Variants in TRAPPC9 observed in about 807,000 individuals in gnomAD.
TRAPPC9 encodes the protein IKK2 binding protein.
Under a neutral mutation model 124.0 loss-of-function variants are expected in TRAPPC9, and 83 were observed. The ratio of observed to expected loss-of-function variants is 0.67; its 90% CI spans 0.56 to 0.80. The LOEUF (loss-of-function observed/expected upper bound fraction) is 0.80. TRAPPC9 is among the 30% of genes least tolerant of loss of function. The pLI, the probability that TRAPPC9 is intolerant of heterozygous loss-of-function variation, is 0.00. For missense variants in TRAPPC9, 1,302 were observed against 1,508.3 expected (o/e 0.86, Z 2.27); for synonymous variants, 638 against 617.5 (o/e 1.03, Z -0.49).
intron 19 of TRAPPC9, among the ~76,000 whole-genome samples, chr8:139,955,185 C>T (rs772373441): frequency 2.0e-5 from 3 of 152,104 alleles, no homozygotes; most frequent in Non-Finnish European, 2.9e-5. Context: ...CCATCGGCAC[C>T]ATCTGACCAC....
chr8:140,007,133 C>G (rs1418507540), intron 18 of TRAPPC9, among the ~76,000 whole-genome samples: 1 of 152,204 alleles, frequency 6.6e-6, no homozygotes, highest in Admixed American at 6.5e-5. Context: ...CTGACCCACA[C>G]GCAGTGCCAT....
intron 11 of TRAPPC9, 120 bp downstream of exon 11, chr8:140,300,349 C>CCACG (rs1484615356): frequency 8.0e-7 from 1 of 1,253,854 alleles, no homozygotes; most frequent in African/African-American, 1.5e-5. Flanking sequence ...GTGCACACAT[C>CCACG]CACGCACGCA....
chr8:139,847,785 C>A (rs772710679), intron 21 of TRAPPC9, among the ~76,000 whole-genome samples: 1 of 141,010 alleles, frequency 7.1e-6, no homozygotes, highest in Non-Finnish European at 1.5e-5. Flanking sequence ...GCCCAGCCTG[C>A]GGATGGGCAC....
intron 9 of TRAPPC9, among the ~76,000 whole-genome samples, chr8:140,330,584 T>C (rs2066869867): frequency 6.6e-6 from 1 of 152,224 alleles, no homozygotes; most frequent in South Asian, 2.1e-4. Context: ...TTTATAAACA[T>C]GTTCTACCAA....
At position 139,898,141 on chromosome 8, in the gene TRAPPC9, G is replaced by T. The variant is rs952466579; in HGVS notation, c.2964+12006C>A. ...GCAAGTGGGGCTCCTCCTAGAAGAGGGGCAAGGGGCGGCTACTTGCCCAGG... is the reference window on the plus strand; with the variant it reads ...GCAAGTGGGGCTCCTCCTAGAAGAGTGGCAAGGGGCGGCTACTTGCCCAGG... On this transcript the variant is annotated intron_variant, in intron 20 of 22. Coordinates refer to ENST00000438773, the MANE Select transcript of TRAPPC9 (RefSeq NM_001160372.4). Among the ~76,000 whole-genome samples, 2 of 152,208 alleles carry T rather than the reference G, an allele frequency of 1.3e-5. 1 individual carries two copies. Among genetic ancestry groups the T allele is most frequent in the Admixed American group, 1.3e-4 (2 of 15,288 alleles).
chr8:139,810,801 GCCAGGCCAGAGGACAGA>G lies in TRAPPC9; in HGVS notation c.3055+75061_3055+75077del, dbSNP rs79340194. On this transcript the variant is annotated intron_variant, in intron 21 of 22. Transcript: ENST00000438773. ...ATGGCATACTCCAGGATCTCCTCTG[GCCAGGCCAGAGGACAGA>G]CCAGGCCAGAGGACAGACTCAGGAT... Among the ~76,000 whole-genome samples the G allele has an allele frequency of 9.6e-3, 1,467 of 152,148 alleles. 11 individuals are homozygous for G. Among genetic ancestry groups the G allele is most frequent in the Non-Finnish European group, 0.016 (1,063 of 67,982 alleles).
chr8:139,898,625 A>G (rs1402206582), intron 20 of TRAPPC9, among the ~76,000 whole-genome samples: 1 of 152,126 alleles, frequency 6.6e-6, no homozygotes, highest in Non-Finnish European at 1.5e-5. Context: ...CAAAGATTAC[A>G]CAGCACACTC....
At chr8:140,428,994 A>C (rs1054529214) in intron 4 of TRAPPC9, among the ~76,000 whole-genome samples, 2 of 152,110 alleles carry the variant, frequency 1.3e-5, no homozygotes, top group Admixed American at 6.5e-5. Context: ...AACTGTAGAT[A>C]TGCTGATACC....
chr8:140,030,851 C>T (rs536500999), intron 17 of TRAPPC9, among the ~76,000 whole-genome samples: 1 of 152,236 alleles, frequency 6.6e-6, no homozygotes, highest in East Asian at 1.9e-4. Context: ...GAGTTAGAGG[C>T]AGGAGAGGGT....
At chr8:139,991,348 T>C (rs1396234231) in intron 18 of TRAPPC9, among the ~76,000 whole-genome samples, 1 of 152,230 alleles carries the variant, frequency 6.6e-6, no homozygotes, top group Non-Finnish European at 1.5e-5. Context: ...ACTCACTGTC[T>C]GAGTGTGGGG....
chr8:140,002,517 A>G (rs1838469726), intron 18 of TRAPPC9, among the ~76,000 whole-genome samples: 2 of 152,096 alleles, frequency 1.3e-5, no homozygotes, highest in Admixed American at 1.3e-4. Context: ...ATTAAAAATA[A>G]AAGAAAAACT....
At chr8:140,208,224 T>C (rs6578079) in intron 17 of TRAPPC9, among the ~76,000 whole-genome samples, 123,740 of 151,982 alleles carry the variant, frequency 0.81, 50,706 homozygotes, top group African/African-American at 0.88. Flanking sequence ...ATCAGTTAGT[T>C]GCTGAGGCAC....
At chr8:140,253,715 C>G (rs1337942349) in intron 15 of TRAPPC9, among the ~76,000 whole-genome samples, 1 of 151,900 alleles carries the variant, frequency 6.6e-6, no homozygotes, top group East Asian at 1.9e-4. Context: ...GAATTAAGGA[C>G]GGCACCTTGG....
chr8:140,387,348 G>A (rs1005674726), intron 7 of TRAPPC9, among the ~76,000 whole-genome samples: 1 of 152,046 alleles, frequency 6.6e-6, no homozygotes. Context: ...CAAAAGCAAT[G>A]GCAACAAAAG....
chr8:140,447,874 G>A (rs1402018280), intron 2 of TRAPPC9, among the ~76,000 whole-genome samples: 1 of 152,168 alleles, frequency 6.6e-6, no homozygotes, highest in Admixed American at 6.5e-5. Context: ...GCCAGGCACT[G>A]TGGCTCACAC....
At chr8:140,297,162 G>C (rs2065827174) in intron 11 of TRAPPC9, among the ~76,000 whole-genome samples, 1 of 140,184 alleles carries the variant, frequency 7.1e-6, no homozygotes, top group East Asian at 1.9e-4. Flanking sequence ...ATCAGGCCCT[G>C]CCTGTTCATC....
intron 17 of TRAPPC9, among the ~76,000 whole-genome samples, chr8:140,112,231 T>C (rs2060791520): frequency 7.0e-6 from 1 of 142,550 alleles, no homozygotes; most frequent in Middle Eastern, 3.8e-3. Flanking sequence ...GGGAGGAGAG[T>C]AATGGAGAAT....
At chr8:140,015,668 C>A (rs555539941) in intron 18 of TRAPPC9, among the ~76,000 whole-genome samples, 1 of 151,898 alleles carries the variant, frequency 6.6e-6, no homozygotes, top group Admixed American at 6.6e-5. Flanking sequence ...ATAAGCCAGG[C>A]ACGGTGGCTC....
At chr8:140,123,973 G>A (rs2061034974) in intron 17 of TRAPPC9, among the ~76,000 whole-genome samples, 2 of 152,206 alleles carry the variant, frequency 1.3e-5, no homozygotes, top group Admixed American at 6.5e-5. Context: ...GTCCATGTCT[G>A]TCTCACTCTG....
Sources: gnomAD v4.1 joint callset for allele counts (sites outside exome capture counted in the v4.1 genomes callset) on GRCh38, gnomAD v4.1.1 for gene constraint, MANE v1.5 for transcripts, NCBI Gene and HGNC (gene_info 2026-07-23, HGNC 2026-07-21) for gene names.